GNAQ: variants seen among roughly 807,000 people sequenced by gnomAD.
GNAQ encodes guanine nucleotide-binding protein G(q) subunit alpha.
Under a neutral mutation model 43.9 loss-of-function variants are expected in GNAQ, and 8 were observed. The ratio of observed to expected loss-of-function variants is 0.18; its 90% CI spans 0.11 to 0.33. The LOEUF (loss-of-function observed/expected upper bound fraction) is 0.33, where lower values mean the gene tolerates loss of function less well. Ranked by LOEUF, GNAQ falls within the 10% of genes least tolerant of loss-of-function variation. The probability of loss-of-function intolerance (pLI) is 1.00; values close to 1 mark genes in which losing one functional copy is unlikely to be tolerated. For missense variants in GNAQ, 158 were observed against 450.8 expected (o/e 0.35, Z 5.88); for synonymous variants, 155 against 170.7 (o/e 0.91, Z 0.71).
intron 1 of GNAQ, among the ~76,000 whole-genome samples, chr9:77,935,078 T>C (rs150081380): frequency 8.5e-5 from 13 of 152,186 alleles, no homozygotes; most frequent in South Asian, 2.1e-4. Flanking sequence ...TGAGCCAAGA[T>C]TGCACCACTG....
chr9:77,903,069 C>T (rs1220739597), intron 2 of GNAQ, among the ~76,000 whole-genome samples: 1 of 152,062 alleles, frequency 6.6e-6, no homozygotes, highest in Admixed American at 6.6e-5. Context: ...GGAAGAAGTG[C>T]CTGGTATCTC....
At chr9:78,002,283 T>G (rs537523519) in intron 1 of GNAQ, among the ~76,000 whole-genome samples, 1 of 152,290 alleles carries the variant, frequency 6.6e-6, no homozygotes, top group African/African-American at 2.4e-5. Flanking sequence ...ATTATACCAG[T>G]TGTCAAAGAT....
intron 2 of GNAQ, among the ~76,000 whole-genome samples, chr9:77,870,509 G>T (rs757845240): frequency 6.6e-6 from 1 of 151,702 alleles, no homozygotes; most frequent in African/African-American, 2.4e-5. Flanking sequence ...TGTATTTTTA[G>T]TAGAGATGGG....
At chr9:77,984,048 G>GAAAAAAAAAAA (rs1564170418) in intron 1 of GNAQ, among the ~76,000 whole-genome samples, 9 of 24,720 alleles carry the variant, frequency 3.6e-4, no homozygotes, top group Admixed American at 1.6e-3. Flanking sequence ...ATTTTGGAGA[G>GAAAAAAAAAAA]CAAAAAAAAA....
intron 5 of GNAQ, among the ~76,000 whole-genome samples, chr9:77,729,352 G>A (rs1211943474): frequency 6.6e-6 from 1 of 152,106 alleles, no homozygotes; most frequent in Non-Finnish European, 1.5e-5. Flanking sequence ...CTCACTTTCA[G>A]CATCTGTGAG....
At chr9:77,721,548 C>G (rs755652968) in intron 6 of GNAQ, 35 bp from the exon 7 acceptor site, 2 of 1,260,764 alleles carry the variant, frequency 1.6e-6, no homozygotes, top group Non-Finnish European at 2.3e-6. Flanking sequence ...CACTTTGTTA[C>G]CTAATCTGCT....
intron 2 of GNAQ, among the ~76,000 whole-genome samples, chr9:77,891,864 T>C (rs981186879): frequency 6.6e-6 from 1 of 152,230 alleles, no homozygotes; most frequent in East Asian, 1.9e-4. Flanking sequence ...CATTTTAGAC[T>C]CTAAGCAACT....
chr9:77,764,744 C>T (rs1195277501), intron 5 of GNAQ, among the ~76,000 whole-genome samples: 2 of 152,068 alleles, frequency 1.3e-5, no homozygotes, highest in Non-Finnish European at 2.9e-5. Flanking sequence ...TGTGAGCCAC[C>T]GCGCCCAGCC....
intron 2 of GNAQ, among the ~76,000 whole-genome samples, chr9:77,899,541 A>T (rs558949419): frequency 1.2e-3 from 163 of 136,788 alleles, no homozygotes; most frequent in African/African-American, 3.9e-3. Flanking sequence ...TTATTCAAAG[A>T]ATCACATTAA....
chr9:77,981,516 T>C (rs1587443657), intron 1 of GNAQ, among the ~76,000 whole-genome samples: 1 of 152,058 alleles, frequency 6.6e-6, no homozygotes, highest in Non-Finnish European at 1.5e-5. Context: ...GCAAGGGAGG[T>C]GCATGCAGAG....
intron 1 of GNAQ, among the ~76,000 whole-genome samples, chr9:77,984,956 T>C (rs192687947): frequency 7.2e-4 from 110 of 152,290 alleles, no homozygotes; most frequent in African/African-American, 2.5e-3. Flanking sequence ...CCTGATACTA[T>C]GGCAAGGAAA....
chr9:77,981,238 C>T (rs916005003), intron 1 of GNAQ, among the ~76,000 whole-genome samples: 2 of 152,068 alleles, frequency 1.3e-5, no homozygotes, highest in Non-Finnish European at 2.9e-5. Context: ...CAATATTCTG[C>T]CATACATAGT....
rs754815113 is a variant in GNAQ, at chr9:77,916,541, C to T, written c.321+5620G>A. Among the ~76,000 whole-genome samples, 54 of 152,226 alleles carry T rather than the reference C, an allele frequency of 3.5e-4. 1 individual carries two copies. The highest frequency in any genetic ancestry group is 6.8e-4 in the Non-Finnish European group (46 of 68,018). On this transcript the variant is annotated intron_variant, in intron 2 of 6. Transcript: ENST00000286548. ...TTCAGAAAGTGTCAAATGTGTTTAA[C>T]GAGGTACTTTCCTGTGACAAGTTCT...
intron 3 of GNAQ, among the ~76,000 whole-genome samples, chr9:77,814,414 C>A (rs918839084): frequency 2.6e-5 from 4 of 152,112 alleles, no homozygotes; most frequent in African/African-American, 9.7e-5. Context: ...CAGAGGCACA[C>A]AAGGGGGTTA....
chr9:77,998,599 A>G (rs1823605802), intron 1 of GNAQ, among the ~76,000 whole-genome samples: 1 of 152,254 alleles, frequency 6.6e-6, no homozygotes, highest in African/African-American at 2.4e-5. Context: ...TACCTGATAC[A>G]TGTAGTTACT....
At chr9:77,797,704 C>T (rs1220031238) in intron 3 of GNAQ, 56 bp from the exon 4 acceptor site, 3 of 1,557,304 alleles carry the variant, frequency 1.9e-6, no homozygotes, top group Non-Finnish European at 2.6e-6. Flanking sequence ...CCAAAGCTGT[C>T]TACGGAAAGG....
intron 5 of GNAQ, among the ~76,000 whole-genome samples, chr9:77,792,081 A>C (rs568955702): frequency 7.2e-5 from 11 of 152,208 alleles, no homozygotes; most frequent in African/African-American, 2.6e-4. Flanking sequence ...TTTTTTTGAC[A>C]GTACTTCCTA....
intron 1 of GNAQ, among the ~76,000 whole-genome samples, chr9:78,023,726 T>C (rs1002792910): frequency 3.9e-5 from 6 of 152,076 alleles, no homozygotes; most frequent in African/African-American, 9.7e-5. Flanking sequence ...CAAGTGATGC[T>C]GATTAAAAAA....
chr9:77,967,511 T>C (rs924571020), intron 1 of GNAQ, among the ~76,000 whole-genome samples: 3 of 152,158 alleles, frequency 2.0e-5, no homozygotes, highest in African/African-American at 4.8e-5. Flanking sequence ...TACTGACACA[T>C]ACTACAACAT....
Sources: gnomAD v4.1 joint callset for allele counts (sites outside exome capture counted in the v4.1 genomes callset) on GRCh38, gnomAD v4.1.1 for gene constraint, MANE v1.5 for transcripts, NCBI Gene and HGNC (gene_info 2026-07-23, HGNC 2026-07-21) for gene names.